PATZ1: variants seen among roughly 807,000 people sequenced by gnomAD.
PATZ1 encodes POZ-, AT hook-, and zinc finger-containing protein 1.
Under a neutral mutation model 46.2 loss-of-function variants are expected in PATZ1, and 9 were observed. The observed-to-expected ratio is 0.19, with a 90% CI of 0.12 to 0.34. PATZ1 has a LOEUF of 0.34. Ranked by LOEUF, PATZ1 falls within the 10% of genes least tolerant of loss-of-function variation. PATZ1 has a pLI of 1.00. For synonymous variants in PATZ1, 426 were observed against 378.6 expected, an observed-to-expected ratio of 1.13 and a Z score of -1.45; for missense variants, 632 against 923.0, an observed-to-expected ratio of 0.68 and a Z score of 4.08.
At position 31,326,678 on chromosome 22, in the gene PATZ1, C is replaced by T. The variant is rs2049373151; in HGVS notation, c.*213G>A. 1 of 557,286 alleles carries T rather than the reference C, an allele frequency of 1.8e-6. No individual in the cohort carries two copies. 34.5% of individuals were successfully genotyped at this position (557,286 alleles called of 1,614,324 possible). A position where few individuals can be genotyped will look rare whatever the true frequency, so the allele number is the denominator to read the frequency against. Reference sequence around the variant, plus strand: ...TCTGCCCCTGTCCCATACCAAGTCTCATTGATATTTCTGCAGAATATCAGA... The same window carrying T: ...TCTGCCCCTGTCCCATACCAAGTCTTATTGATATTTCTGCAGAATATCAGA... On this transcript the variant is annotated 3_prime_UTR_variant, in exon 5 of 5. Transcript: ENST00000266269.
chr22:31,342,792 G>A lies in PATZ1; in HGVS notation c.1335+105C>T. The A allele has an allele frequency of 2.5e-6, 3 of 1,196,508 alleles. No homozygotes were observed. In the South Asian group the frequency reaches 4.0e-5, roughly 16 times the overall value. The allele number at this position is 1,196,508 out of a possible 1,614,324, so 74.1% of individuals were successfully genotyped here. A position where few individuals can be genotyped will look rare whatever the true frequency, so the allele number is the denominator to read the frequency against. On this transcript the variant is annotated intron_variant, in intron 2 of 4. Coordinates refer to ENST00000266269, the MANE Select transcript of PATZ1 (RefSeq NM_014323.3). Reference sequence around the variant, plus strand: ...CAGAGGGGAGGTGTGCAAAGCGGTGGGCGGTCAGCCGGGCCCCCGGCACAC... The same window carrying A: ...CAGAGGGGAGGTGTGCAAAGCGGTGAGCGGTCAGCCGGGCCCCCGGCACAC...
rs1479347012 is a variant in PATZ1 at position 31,339,867 on chromosome 22, C to A, written c.1335+3030G>T. On this transcript the variant is annotated intron_variant, in intron 2 of 4. Transcript: ENST00000266269. ...GTGGTACCAAGGGCACTAGTGCACA[C>A]CCCCACCCTTAGTAGCCCTTGAACT... Among the ~76,000 whole-genome samples the A allele has an allele frequency of 2.6e-5, 4 of 152,168 alleles. No homozygotes were observed. In the East Asian group the frequency reaches 7.7e-4, roughly 29 times the overall value.
At chr22:31,336,849 C>G (rs1355523954) in intron 2 of PATZ1, among the ~76,000 whole-genome samples, 1 of 149,002 alleles carries the variant, frequency 6.7e-6, no homozygotes, top group Non-Finnish European at 1.5e-5. Context: ...GTGGCTCACA[C>G]CTGTAATCCC....
chr22:31,337,379 AG>A (rs1192791025), intron 2 of PATZ1, among the ~76,000 whole-genome samples: 2 of 152,192 alleles, frequency 1.3e-5, no homozygotes, highest in Non-Finnish European at 2.9e-5. Context: ...TGGATGAGTC[AG>A]GAGCTGAAGG....
At chr22:31,334,073 CA>C (rs2049478709) in intron 3 of PATZ1, among the ~76,000 whole-genome samples, 1 of 152,188 alleles carries the variant, frequency 6.6e-6, no homozygotes, top group East Asian at 1.9e-4. Context: ...TGGGAACTTC[CA>C]TATTGAAAAC....
chr22:31,343,996 G>GC (rs1411710217), intron 1 of PATZ1, among the ~76,000 whole-genome samples: 1 of 152,182 alleles, frequency 6.6e-6, no homozygotes, highest in Non-Finnish European at 1.5e-5. Context: ...CCAGTCTCCC[G>GC]CCCCCAGAGG....
chr22:31,343,249 C>T (rs954041426), intron 1 of PATZ1: 69 of 1,165,066 alleles, frequency 5.9e-5, no homozygotes, highest in Non-Finnish European at 6.7e-5. Context: ...TTTTCTAGGA[C>T]CAGAGGCGGT....
At chr22:31,341,687 G>C in intron 2 of PATZ1, 2 of 1,602,444 alleles carry the variant, frequency 1.2e-6, no homozygotes, top group African/African-American at 1.3e-5. Flanking sequence ...CCCACACCTG[G>C]AAAAAGGGCA....
chr22:31,333,288 A>G (rs1314582801), intron 3 of PATZ1, among the ~76,000 whole-genome samples: 6 of 152,200 alleles, frequency 3.9e-5, no homozygotes, highest in Non-Finnish European at 8.8e-5. Context: ...ACCTGATTCA[A>G]TCTTAACTGT....
Position 31,345,181 on chromosome 22 carries a change from T to C in PATZ1, c.422A>G (p.Lys141Arg), listed in dbSNP as rs763163577. Residue 141 changes from lysine (K) to arginine (R), a missense_variant, in exon 1 of 5, where the codon AAG (lysine) becomes AGG (arginine). Physicochemically the swap from Lys to Arg is conservative, Grantham distance 26. Around this residue, in one of 7 missense-constraint regions of PATZ1, gnomAD observed 11 missense variants for 53.3 expected, o/e 0.21. Coordinates refer to ENST00000266269, the MANE Select transcript of PATZ1 (RefSeq NM_014323.3). This position sits in a 1 kb window ranked among gnomAD's most constrained non-coding sequence, Gnocchi z 7.4. ...ESFPELMTAA[K>R]FLLMRSVIEI... ...GATAACCGACCTCATCAGCAGGAAC[T>C]TGGCGGCCGTCATGAGTTCGGGAAA... is the stretch of plus-strand genomic sequence containing the variant. 6.2e-7 allele frequency: 1 copy of C among 1,614,176 alleles called. No individual in the cohort carries two copies. Among genetic ancestry groups the C allele is most frequent in the Non-Finnish European group, 8.5e-7 (1 of 1,180,012 alleles).
At chr22:31,340,554 G>A (rs900325718) in intron 2 of PATZ1, 14 of 369,356 alleles carry the variant, frequency 3.8e-5, no homozygotes, top group Non-Finnish European at 5.4e-5. Context: ...GGCTGGAGGA[G>A]GGGCCAGCAG....
At position 31,345,946 on chromosome 22, in the gene PATZ1, T is replaced by G; in HGVS notation, c.-344A>C. ...CTGCAAACGCGCCTGCCACCTCCCCTCCCGCCCGCCAGGCGGCGCCGGCGC... is the reference window on the plus strand; with the variant it reads ...CTGCAAACGCGCCTGCCACCTCCCCGCCCGCCCGCCAGGCGGCGCCGGCGC... On this transcript the variant is annotated 5_prime_UTR_variant, in exon 1 of 5. Transcript: ENST00000266269. This position sits in a 1 kb window ranked among gnomAD's most constrained non-coding sequence, Gnocchi z 7.4. 4.1e-5 allele frequency: 10 copies of G among 246,846 alleles called. No homozygotes were observed. The highest frequency in any genetic ancestry group is 4.6e-5 in the Non-Finnish European group (6 of 129,200). The allele number at this position is 246,846 out of a possible 1,614,324, so 15.3% of individuals were successfully genotyped here. A position where few individuals can be genotyped will look rare whatever the true frequency, so the allele number is the denominator to read the frequency against.
Position 31,344,889 on chromosome 22 carries a change from C to A in PATZ1, c.714G>T (p.Val238=), listed in dbSNP as rs780250385. 4.3e-6 allele frequency: 7 copies of A among 1,613,066 alleles called. No individual in the cohort carries two copies. In the Admixed American group the frequency reaches 5.0e-5, roughly 12 times the overall value. ...GCAGTTGGGGGGATAGGGGTCCAGC[C>A]ACCATGGGCAAGCGGTCCACCCCAG... The part of the protein sequence containing the change: ...VLPGVDRLPM[V]AGPLSPQLLT... Residue 238 remains valine, a synonymous_variant, in exon 1 of 5, where the codon GTG becomes GTT. Transcript: ENST00000266269.
chr22:31,342,879 C>T lies in PATZ1; in HGVS notation c.1335+18G>A, dbSNP rs1343293427. ...CATCATCTCCTTCAGCCCATCTCTGCCCTGACCCAGCCCCTACCTGACACT... is the reference window on the plus strand; with the variant it reads ...CATCATCTCCTTCAGCCCATCTCTGTCCTGACCCAGCCCCTACCTGACACT... On this transcript the variant is annotated intron_variant, in intron 2 of 4. Transcript: ENST00000266269. The T allele has an allele frequency of 6.2e-7, 1 of 1,613,390 alleles. No homozygotes were observed. Among genetic ancestry groups the T allele is most frequent in the Non-Finnish European group, 8.5e-7 (1 of 1,179,514 alleles).
At position 31,345,380 on chromosome 22, in the gene PATZ1, C is replaced by G; in HGVS notation, c.223G>C (p.Gly75Arg). The stretch of plus-strand genomic sequence containing the variant: ...CCCCCGTCCGCAGCTCCGCCGTCGC[C>G]CAACTGGGCGCTGAACACCGACTCA... ...YFESVFSAQL[G>R]DGGAADGGPA... Residue 75 changes from glycine (G) to arginine (R), a missense_variant, in exon 1 of 5, where the codon GGC (glycine) becomes CGC (arginine). Physicochemically the swap from Gly to Arg is moderately radical, Grantham distance 125 (BLOSUM62 -2). Around this residue, in one of 7 missense-constraint regions of PATZ1, gnomAD observed 62 missense variants for 67.9 expected, o/e 0.91. Coordinates refer to ENST00000266269, the MANE Select transcript of PATZ1 (RefSeq NM_014323.3). The surrounding 1 kb of genome is among the most constrained non-coding windows in gnomAD (Gnocchi z 7.4). The G allele has an allele frequency of 6.2e-7, 1 of 1,607,552 alleles. No individual in the cohort carries two copies. The highest frequency in any genetic ancestry group is 8.5e-7 in the Non-Finnish European group (1 of 1,175,732).
At chr22:31,329,286 G>A (rs1000102672) in intron 3 of PATZ1, among the ~76,000 whole-genome samples, 26 of 152,190 alleles carry the variant, frequency 1.7e-4, no homozygotes, top group Admixed American at 1.7e-3. Flanking sequence ...TCTCCTGCAG[G>A]AACCATGACT....
At chr22:31,338,697 G>C (rs2049542422) in intron 2 of PATZ1, among the ~76,000 whole-genome samples, 2 of 152,208 alleles carry the variant, frequency 1.3e-5, no homozygotes, top group African/African-American at 4.8e-5. Flanking sequence ...CCAATGGTGA[G>C]AGAGGGTGTG....
chr22:31,329,014 A>G, intron 3 of PATZ1, 90 bp from the exon 4 acceptor site: 1 of 1,389,992 alleles, frequency 7.2e-7, no homozygotes, highest in South Asian at 1.4e-5. Context: ...CGCTCTGGCT[A>G]GCATTCCCAG....
Position 31,326,265 on chromosome 22 carries a change from A to T in PATZ1, c.*626T>A, listed in dbSNP as rs2049369580. On this transcript the variant is annotated 3_prime_UTR_variant, in exon 5 of 5. Transcript: ENST00000266269. The stretch of plus-strand genomic sequence containing the variant: ...TGAAATTTGGGGTGGGGGTGTCCTC[A>T]ACAGCTGAGCTTGTCCTAGCAGTGA... The T allele has an allele frequency of 4.4e-6, 1 of 228,550 alleles. No individual in the cohort carries two copies. Among genetic ancestry groups the T allele is most frequent in the Non-Finnish European group, 8.7e-6 (1 of 115,062 alleles). The allele number at this position is 228,550 out of a possible 1,614,324, so 14.2% of individuals were successfully genotyped here.
Sources: allele counts gnomAD v4.1 joint callset (sites outside exome capture counted in the v4.1 genomes callset), GRCh38; gene constraint gnomAD v4.1.1; regional missense constraint gnomAD v4.1.1; non-coding constraint Gnocchi (gnomAD v3.1); transcripts MANE v1.5; gene names NCBI Gene and HGNC (gene_info 2026-07-23, HGNC 2026-07-21).